The following NRG3 variants were observed in gnomAD, a reference collection of about 807,000 sequenced individuals.
The protein encoded by NRG3 is neuregulin 3, also known as pro-neuregulin-3, membrane-bound isoform.
Under a neutral mutation model 66.9 loss-of-function variants are expected in NRG3, and 31 were observed. The observed-to-expected ratio is 0.46, with a 90% CI of 0.35 to 0.63. The LOEUF is 0.63. Among genes scored for constraint, NRG3 ranks in the 20% least tolerant of loss-of-function variants. NRG3 has a pLI of 0.00. For missense variants in NRG3, 910 were observed against 878.9 expected (o/e 1.04, Z -0.45); for synonymous variants, 393 against 359.4 (o/e 1.09, Z -1.06).
rs990557341 is a variant in NRG3, at chr10:82,434,056, C to T, written c.953+75188C>T. ...GCTTTGGGGAGTTTGGCCATTTTCA[C>T]GGTATTGATTCTTCCTATCCATGAG... On this transcript the variant is annotated intron_variant, in intron 2 of 8. Coordinates refer to ENST00000372141, the MANE Select transcript of NRG3 (RefSeq NM_001010848.4). Among the ~76,000 whole-genome samples, 7 of 152,206 alleles carry T rather than the reference C, an allele frequency of 4.6e-5. No individual in the cohort carries two copies. In the East Asian group the frequency reaches 7.7e-4, roughly 17 times the overall value.
intron 1 of NRG3, among the ~76,000 whole-genome samples, chr10:82,185,587 A>T (rs1040393831): frequency 4.6e-5 from 7 of 152,238 alleles, no homozygotes; most frequent in African/African-American, 1.7e-4. Context: ...GAGTAGAAAC[A>T]TATAACAATA....
At chr10:81,916,025 ATCATT>A (rs1183323795) in intron 1 of NRG3, among the ~76,000 whole-genome samples, 1 of 152,232 alleles carries the variant, frequency 6.6e-6, no homozygotes, top group Non-Finnish European at 1.5e-5. Flanking sequence ...CTAAATTATT[ATCATT>A]TCAACATGTA....
intron 3 of NRG3, among the ~76,000 whole-genome samples, chr10:82,739,800 A>T (rs1214054786): frequency 6.6e-6 from 1 of 152,178 alleles, no homozygotes; most frequent in East Asian, 1.9e-4. Flanking sequence ...CTATTTCCTG[A>T]AATGTGAGAC....
chr10:82,589,212 A>G (rs1178454044), intron 2 of NRG3, among the ~76,000 whole-genome samples: 1 of 152,190 alleles, frequency 6.6e-6, no homozygotes, highest in African/African-American at 2.4e-5. Flanking sequence ...CAAAATGTAG[A>G]TAAGAAATGG....
In NRG3 at chr10:82,109,287, A is replaced by C. The variant is rs115227894; in HGVS notation, c.823+233124A>C. ...CTACAGGAACATGGTGAGTGATTGA[A>C]GAAGGCCACAGGAAAGCCAAACGGG... On this transcript the variant is annotated intron_variant, in intron 1 of 8. Coordinates refer to ENST00000372141, the MANE Select transcript of NRG3 (RefSeq NM_001010848.4). 5.8e-3 allele frequency among the ~76,000 whole-genome samples: 890 copies of C among 152,270 alleles called. 10 individuals carry two copies. Among genetic ancestry groups the C allele is most frequent in the African/African-American group, 0.02 (841 of 41,564 alleles).
chr10:82,567,958 T>C (rs1486816757), intron 2 of NRG3, among the ~76,000 whole-genome samples: 2 of 151,924 alleles, frequency 1.3e-5, no homozygotes, highest in Non-Finnish European at 2.9e-5. Context: ...TAGTTAAGCC[T>C]GGACATCCTG....
chr10:81,941,483 C>T (rs539502534), intron 1 of NRG3, among the ~76,000 whole-genome samples: 35 of 152,024 alleles, frequency 2.3e-4, no homozygotes, highest in African/African-American at 8.4e-4. Context: ...ATACTGTTAG[C>T]GAAAACTGTA....
intron 7 of NRG3, among the ~76,000 whole-genome samples, chr10:82,977,475 G>A (rs142939706): frequency 2.6e-5 from 4 of 151,962 alleles, no homozygotes; most frequent in Non-Finnish European, 4.4e-5. Flanking sequence ...CTGCCATTGT[G>A]GGGGGCACCT....
intron 1 of NRG3, among the ~76,000 whole-genome samples, chr10:82,065,810 T>C (rs1025586424): frequency 6.6e-5 from 10 of 152,140 alleles, no homozygotes; most frequent in African/African-American, 2.2e-4. Context: ...CCAGAAAAGA[T>C]CCTCCCACCA....
At chr10:82,831,746 G>A (rs1166154623) in intron 3 of NRG3, among the ~76,000 whole-genome samples, 3 of 152,054 alleles carry the variant, frequency 2.0e-5, no homozygotes, top group African/African-American at 7.2e-5. Flanking sequence ...TCTGAGAGAC[G>A]GAGGTTGCAG....
intron 2 of NRG3, among the ~76,000 whole-genome samples, chr10:82,577,144 A>G (rs2046078908): frequency 6.6e-6 from 1 of 151,824 alleles, no homozygotes. Context: ...GAAATGCAAT[A>G]TATAATTCCC....
At chr10:82,421,234 C>T (rs564411675) in intron 2 of NRG3, among the ~76,000 whole-genome samples, 172 of 152,180 alleles carry the variant, frequency 1.1e-3, no homozygotes, top group African/African-American at 3.7e-3. Flanking sequence ...AAGCTTGAAG[C>T]CCAGCATAAC....
At chr10:82,817,369 C>A (rs1391332591) in intron 3 of NRG3, among the ~76,000 whole-genome samples, 1 of 152,192 alleles carries the variant, frequency 6.6e-6, no homozygotes, top group East Asian at 1.9e-4. Context: ...GGACTACAAA[C>A]CTGATATGGT....
intron 1 of NRG3, among the ~76,000 whole-genome samples, chr10:82,193,235 T>C (rs1244081402): frequency 1.3e-5 from 2 of 152,116 alleles, no homozygotes; most frequent in African/African-American, 4.8e-5. Flanking sequence ...CTCTGTCTCC[T>C]GGGTTCAAGC....
Position 82,805,964 on chromosome 10 carries a change from G to A in NRG3, c.1028-59447G>A, listed in dbSNP as rs1375649277. On this transcript the variant is annotated intron_variant, in intron 3 of 8. Coordinates refer to ENST00000372141, the MANE Select transcript of NRG3 (RefSeq NM_001010848.4). Reference sequence around the variant, plus strand: ...TTATTTTCAAATTTTTCTGTCAAAGGTTTTTCTGAAACATCAACTGAGAAT... The same window carrying A: ...TTATTTTCAAATTTTTCTGTCAAAGATTTTTCTGAAACATCAACTGAGAAT... Among the ~76,000 whole-genome samples the A allele has an allele frequency of 2.0e-5, 3 of 152,106 alleles. No individual in the cohort carries two copies. In the East Asian group the frequency reaches 5.8e-4, roughly 29 times the overall value.
intron 1 of NRG3, among the ~76,000 whole-genome samples, chr10:82,208,347 A>C (rs2075230287): frequency 6.6e-6 from 1 of 152,166 alleles, no homozygotes; most frequent in Non-Finnish European, 1.5e-5. Flanking sequence ...GTTTTATATT[A>C]GGTATTTTGG....
chr10:82,026,630 A>T (rs1330850713), intron 1 of NRG3, among the ~76,000 whole-genome samples: 1 of 151,074 alleles, frequency 6.6e-6, no homozygotes, highest in East Asian at 2.0e-4. Context: ...TATTTGGTAA[A>T]TTTTTTTGTG....
intron 2 of NRG3, among the ~76,000 whole-genome samples, chr10:82,620,474 TC>T (rs1324387852): frequency 2.0e-5 from 3 of 152,016 alleles, no homozygotes; most frequent in Non-Finnish European, 4.4e-5. Flanking sequence ...GGCTGGCTCT[TC>T]CCCAAAGTTA....
chr10:82,570,409 T>C (rs1206849449), intron 2 of NRG3, among the ~76,000 whole-genome samples: 2 of 151,680 alleles, frequency 1.3e-5, no homozygotes, highest in Non-Finnish European at 1.5e-5. Flanking sequence ...TATATATTTT[T>C]CTCATTGGAG....
Sources: allele counts gnomAD v4.1 joint callset (sites outside exome capture counted in the v4.1 genomes callset), GRCh38; gene constraint gnomAD v4.1.1; transcripts MANE v1.5; gene names NCBI Gene and HGNC (gene_info 2026-07-23, HGNC 2026-07-21).